The following DTX4 variants were observed in gnomAD, a reference collection of about 807,000 sequenced individuals.
DTX4 encodes the protein E3 ubiquitin-protein ligase DTX4.
Under a neutral mutation model 57.6 loss-of-function variants are expected in DTX4, and 28 were observed. The ratio of observed to expected loss-of-function variants is 0.49; its 90% CI spans 0.36 to 0.67. The LOEUF (loss-of-function observed/expected upper bound fraction) is 0.67. Ranked by LOEUF, DTX4 falls within the 30% of genes least tolerant of loss-of-function variation. The probability of loss-of-function intolerance (pLI) is 0.00; values close to 1 mark genes in which losing one functional copy is unlikely to be tolerated. For synonymous variants in DTX4, 316 were observed against 331.0 expected, an observed-to-expected ratio of 0.95 and a Z score of 0.49; for missense variants, 715 against 836.8, an observed-to-expected ratio of 0.85 and a Z score of 1.80.
chr11:59,189,315 C>G lies in DTX4; in HGVS notation c.1151C>G (p.Ala384Gly). The G allele has an allele frequency of 6.4e-7, 1 of 1,551,768 alleles. No homozygotes were observed. Among genetic ancestry groups the G allele is most frequent in the Non-Finnish European group, 8.7e-7 (1 of 1,147,212 alleles). Residue 384 changes from alanine (A) to glycine (G), a missense_variant, in exon 4 of 9, where the codon GCC becomes GGC. By Grantham distance (60) the Ala-to-Gly change is moderately conservative (BLOSUM62 0). Transcript: ENST00000227451. ...NTSRKTTKKQ[A>G]KKGKTPEEVL... ...AGCCGCAAGACCACCAAAAAACAAG[C>G]CAAGAAAGGTACCAGCCTCTTGTCT... is the stretch of plus-strand genomic sequence containing the variant.
intron 1 of DTX4, among the ~76,000 whole-genome samples, chr11:59,175,095 T>C (rs907066845): frequency 1.3e-5 from 2 of 152,220 alleles, no homozygotes; most frequent in African/African-American, 2.4e-5. Flanking sequence ...ACACTCATAG[T>C]TCCTCTCAAT....
chr11:59,193,076 A>G (rs1565219790), intron 6 of DTX4, among the ~76,000 whole-genome samples: 1 of 152,102 alleles, frequency 6.6e-6, no homozygotes, highest in Non-Finnish European at 1.5e-5. Context: ...ATAGCTCCCA[A>G]CCTCTCACTA....
chr11:59,189,084 TA>T lies in DTX4; in HGVS notation c.998-76del. ...TCTGCTGGAAAGGAGGAGAGTAGGT[TA>T]ATGGGGAAAGAGGAATTTGGGGAAT... On this transcript the variant is annotated intron_variant, in intron 3 of 8. Coordinates refer to ENST00000227451, the MANE Select transcript of DTX4 (RefSeq NM_015177.2). 1.9e-6 allele frequency: 3 copies of T among 1,542,686 alleles called. No homozygotes were observed. In the East Asian group the frequency reaches 6.9e-5, roughly 35 times the overall value.
intron 8 of DTX4, among the ~76,000 whole-genome samples, chr11:59,202,435 A>G (rs542353989): frequency 2.6e-5 from 4 of 152,252 alleles, no homozygotes; most frequent in Admixed American, 2.0e-4. Context: ...AAATTAAATG[A>G]AAATATCATT....
At chr11:59,181,124 C>T (rs1862457369) in intron 1 of DTX4, among the ~76,000 whole-genome samples, 1 of 152,042 alleles carries the variant, frequency 6.6e-6, no homozygotes, top group Non-Finnish European at 1.5e-5. Flanking sequence ...CAGAGTCTTC[C>T]CTCAGTCCTC....
At position 59,180,505 on chromosome 11, in the gene DTX4, G is replaced by C. The variant is rs1027607428; in HGVS notation, c.212-1234G>C. Among the ~76,000 whole-genome samples the C allele has an allele frequency of 6.6e-5, 10 of 152,200 alleles. No homozygotes were observed. In the East Asian group the frequency reaches 1.3e-3, roughly 20 times the overall value. On this transcript the variant is annotated intron_variant, in intron 1 of 8. Transcript: ENST00000227451. ...GAATGGGATTCTGTCCCCAGTCTTGGTGTATCCCTCTGGGTTGGAGGAGGG... is the reference window on the plus strand; with the variant it reads ...GAATGGGATTCTGTCCCCAGTCTTGCTGTATCCCTCTGGGTTGGAGGAGGG...
chr11:59,207,745 T>G lies in DTX4; in HGVS notation c.*2836T>G, dbSNP rs1862832022. The G allele has an allele frequency of 6.5e-6, 1 of 152,680 alleles. No homozygotes were observed. The highest frequency in any genetic ancestry group is 2.4e-5 in the African/African-American group (1 of 41,466). The allele number at this position is 152,680 out of a possible 1,614,324, so 9.5% of individuals were successfully genotyped here. On this transcript the variant is annotated 3_prime_UTR_variant, in exon 9 of 9. Transcript: ENST00000227451. The stretch of plus-strand genomic sequence containing the variant: ...AGCCTAGTTTCTCCCTTCCAGAGTC[T>G]CCAGGGATGACAAATTGGATTGGAG...
intron 1 of DTX4, among the ~76,000 whole-genome samples, chr11:59,179,662 T>C (rs762401332): frequency 1.3e-5 from 2 of 152,190 alleles, no homozygotes; most frequent in African/African-American, 2.4e-5. Flanking sequence ...CAGCATATCC[T>C]CATTCTTCTT....
At chr11:59,183,969 T>C (rs866441678) in intron 2 of DTX4, among the ~76,000 whole-genome samples, 4 of 152,366 alleles carry the variant, frequency 2.6e-5, no homozygotes, top group South Asian at 4.1e-4. Context: ...TGTTATGCAA[T>C]AGGGGTTGGA....
chr11:59,198,092 G>A (rs529883985), intron 7 of DTX4, among the ~76,000 whole-genome samples: 1 of 152,332 alleles, frequency 6.6e-6, no homozygotes, highest in African/African-American at 2.4e-5. Flanking sequence ...GGACCACACA[G>A]GCATGCGCTT....
chr11:59,172,811 G>T lies in DTX4; in HGVS notation c.211+5G>T. 1 of 1,543,174 alleles carries T rather than the reference G, an allele frequency of 6.5e-7. No homozygotes were observed. Among genetic ancestry groups the T allele is most frequent in the African/African-American group, 1.4e-5 (1 of 71,616 alleles). Reference sequence around the variant, plus strand: ...ACCAGTTCCGCCAAGACACGGGTGAGCCAGCCGCCCCTGACCCCGCCCCGC... The same window carrying T: ...ACCAGTTCCGCCAAGACACGGGTGATCCAGCCGCCCCTGACCCCGCCCCGC... On this transcript the variant is annotated splice_donor_5th_base_variant and intron_variant, in intron 1 of 8. Transcript: ENST00000227451.
At chr11:59,181,422 T>C (rs1406032521) in intron 1 of DTX4, among the ~76,000 whole-genome samples, 2 of 152,176 alleles carry the variant, frequency 1.3e-5, no homozygotes, top group Non-Finnish European at 2.9e-5. Flanking sequence ...TATTAGCTAG[T>C]AAATGGAATG....
chr11:59,184,321 G>A (rs1249118164), intron 2 of DTX4, among the ~76,000 whole-genome samples: 1 of 152,176 alleles, frequency 6.6e-6, no homozygotes, highest in African/African-American at 2.4e-5. Flanking sequence ...TGTGTCAGTT[G>A]GGGCAAGATT....
chr11:59,185,071 G>A (rs1457100090), intron 2 of DTX4, among the ~76,000 whole-genome samples: 2 of 152,216 alleles, frequency 1.3e-5, no homozygotes, highest in East Asian at 1.9e-4. Flanking sequence ...GAAGAGAAAG[G>A]TTTGGGGGCA....
At position 59,172,835 on chromosome 11, in the gene DTX4, G is replaced by A. The variant is rs115705463; in HGVS notation, c.211+29G>A. 983 of 1,486,038 alleles carry A rather than the reference G, an allele frequency of 6.6e-4. 16 individuals are homozygous for A. In the African/African-American group the frequency reaches 0.013, roughly 19 times the overall value. The allele number at this position is 1,486,038 out of a possible 1,614,324, so 92.1% of individuals were successfully genotyped here. A position where few individuals can be genotyped will look rare whatever the true frequency, so the allele number is the denominator to read the frequency against. The stretch of plus-strand genomic sequence containing the variant: ...AGCCAGCCGCCCCTGACCCCGCCCC[G>A]CCTGCTCCCACCTTCCCAACCTGCC... On this transcript the variant is annotated intron_variant, in intron 1 of 8. Coordinates refer to ENST00000227451, the MANE Select transcript of DTX4 (RefSeq NM_015177.2).
At chr11:59,176,679 A>G (rs564681564) in intron 1 of DTX4, among the ~76,000 whole-genome samples, 34 of 152,362 alleles carry the variant, frequency 2.2e-4, no homozygotes, top group Admixed American at 6.5e-4. Context: ...CAGAGACCTC[A>G]GTGCATGCCT....
At chr11:59,198,192 G>A (rs1484742032) in intron 7 of DTX4, among the ~76,000 whole-genome samples, 8 of 152,194 alleles carry the variant, frequency 5.3e-5, no homozygotes, top group South Asian at 2.1e-4. Context: ...AGGCAGAGTC[G>A]TGACTGCTCC....
rs932160838 is a variant in DTX4, at chr11:59,185,615, G to T, written c.936-3120G>T. 4.6e-5 allele frequency among the ~76,000 whole-genome samples: 7 copies of T among 152,264 alleles called. No individual in the cohort carries two copies. The Middle Eastern group carries it at 0.01, about 222-fold the overall frequency. On this transcript the variant is annotated intron_variant, in intron 2 of 8. Transcript: ENST00000227451. The stretch of plus-strand genomic sequence containing the variant: ...GCCCCAAAAGGGTGTGACCAGCTGG[G>T]ACTTCATGGGCTGTTCTCCAAGGTT...
chr11:59,182,983 A>G (rs140013725), intron 2 of DTX4, among the ~76,000 whole-genome samples: 2 of 152,336 alleles, frequency 1.3e-5, no homozygotes, highest in African/African-American at 4.8e-5. Context: ...ACATTAATTG[A>G]ACTCCCACTA....
Sources: gnomAD v4.1 joint callset for allele counts (sites outside exome capture counted in the v4.1 genomes callset) on GRCh38, gnomAD v4.1.1 for gene constraint, MANE v1.5 for transcripts, NCBI Gene and HGNC (gene_info 2026-07-23, HGNC 2026-07-21) for gene names.